The following CNTN5 variants were observed in gnomAD, a reference collection of about 807,000 sequenced individuals.
The protein encoded by CNTN5 is contactin-5.
CNTN5 carries 77 observed loss-of-function variants against 129.1 expected under a neutral mutation model. The ratio of observed to expected loss-of-function variants is 0.60; its 90% confidence interval spans 0.50 to 0.72. CNTN5 has a LOEUF of 0.72. Ranked by LOEUF, CNTN5 falls within the 30% of genes least tolerant of loss-of-function variation. CNTN5 has a pLI of 0.00. For synonymous variants in CNTN5, 509 were observed against 465.6 expected, an observed-to-expected ratio of 1.09 and a Z score of -1.20; for missense variants, 1,478 against 1,328.8, an observed-to-expected ratio of 1.11 and a Z score of -1.75.
At chr11:100,103,648 A>G (rs1439762284) in intron 13 of CNTN5, among the ~76,000 whole-genome samples, 1 of 152,180 alleles carries the variant, frequency 6.6e-6, no homozygotes, top group African/African-American at 2.4e-5. Flanking sequence ...GAGTAGCCTT[A>G]ATCCTGCAAA....
At chr11:100,276,854 A>AT (rs560279911) in intron 18 of CNTN5, among the ~76,000 whole-genome samples, 2,927 of 147,102 alleles carry the variant, frequency 0.02, 95 homozygotes, top group African/African-American at 0.068. Context: ...TGTACAATTA[A>AT]TTTTTTTTTT....
chr11:99,470,814 A>ATT (rs141021367), intron 2 of CNTN5, among the ~76,000 whole-genome samples: 3,480 of 149,790 alleles, frequency 0.023, 131 homozygotes, highest in East Asian at 0.12. Flanking sequence ...TCACAAATTT[A>ATT]TTTTTTTTTA....
At chr11:99,905,978 G>T (rs1475631353) in intron 6 of CNTN5, among the ~76,000 whole-genome samples, 2 of 152,108 alleles carry the variant, frequency 1.3e-5, no homozygotes, top group African/African-American at 4.8e-5. Flanking sequence ...TGTGATTTTT[G>T]CACATTGATT....
intron 13 of CNTN5, among the ~76,000 whole-genome samples, chr11:100,114,458 G>T (rs1332172262): frequency 6.6e-6 from 1 of 152,040 alleles, no homozygotes; most frequent in African/African-American, 2.4e-5. Flanking sequence ...ATAACTTGAA[G>T]TTTTAAAAAT....
In CNTN5 at chr11:99,711,735, G is replaced by C. The variant is rs551420229; in HGVS notation, c.56-107809G>C. 9.9e-5 allele frequency among the ~76,000 whole-genome samples: 15 copies of C among 151,966 alleles called. 1 individual carries two copies. The South Asian group carries it at 2.5e-3, about 25-fold the overall frequency. On this transcript the variant is annotated intron_variant, in intron 3 of 24. Transcript: ENST00000524871. ...TTATGAGTGAGACCATGCGGTGTTT[G>C]GTTTACTGTTCTTGTGTTAGTTTGC...
At chr11:99,757,434 G>T (rs1944440399) in intron 3 of CNTN5, among the ~76,000 whole-genome samples, 1 of 151,636 alleles carries the variant, frequency 6.6e-6, no homozygotes, top group Non-Finnish European at 1.5e-5. Context: ...TACTATAAGT[G>T]CCCCACTCTA....
intron 8 of CNTN5, among the ~76,000 whole-genome samples, chr11:99,980,908 A>G (rs1293166538): frequency 1.3e-5 from 2 of 151,820 alleles, no homozygotes; most frequent in Non-Finnish European, 2.9e-5. Context: ...AAGAGCTAAA[A>G]TACCTTTAAT....
intron 1 of CNTN5, among the ~76,000 whole-genome samples, chr11:99,087,013 C>G (rs889818590): frequency 6.6e-6 from 1 of 152,104 alleles, no homozygotes; most frequent in East Asian, 1.9e-4. Context: ...ACCATTATCA[C>G]CCAGTAAGTG....
intron 1 of CNTN5, among the ~76,000 whole-genome samples, chr11:99,287,767 A>T (rs750747736): frequency 6.6e-6 from 1 of 152,038 alleles, no homozygotes; most frequent in Non-Finnish European, 1.5e-5. Flanking sequence ...TTTTTCAAAA[A>T]AAAGTATTCT....
At chr11:99,762,206 T>A (rs879711119) in intron 3 of CNTN5, among the ~76,000 whole-genome samples, 1 of 125,084 alleles carries the variant, frequency 8.0e-6, no homozygotes, top group Non-Finnish European at 1.7e-5. Context: ...TTTCTCCCAT[T>A]TTGTAGGTTG....
chr11:99,469,499 A>G (rs1283627664), intron 2 of CNTN5, among the ~76,000 whole-genome samples: 2 of 151,924 alleles, frequency 1.3e-5, no homozygotes, highest in African/African-American at 2.4e-5. Flanking sequence ...CTAAATTCCC[A>G]CTTAACTTAC....
intron 3 of CNTN5, among the ~76,000 whole-genome samples, chr11:99,659,434 TTTAA>T (rs1478396220): frequency 6.6e-6 from 1 of 152,182 alleles, no homozygotes; most frequent in Non-Finnish European, 1.5e-5. Flanking sequence ...TAAACCGTGT[TTTAA>T]TTAATATAAA....
chr11:99,787,695 A>G (rs1313831829), intron 3 of CNTN5, among the ~76,000 whole-genome samples: 1 of 152,068 alleles, frequency 6.6e-6, no homozygotes, highest in African/African-American at 2.4e-5. Context: ...ATGAGTCAAG[A>G]TGACATAAAG....
At chr11:99,483,602 T>A (rs1162060719) in intron 2 of CNTN5, among the ~76,000 whole-genome samples, 1 of 152,124 alleles carries the variant, frequency 6.6e-6, no homozygotes, top group Non-Finnish European at 1.5e-5. Flanking sequence ...TGTGACCAAT[T>A]ATTATTTTAG....
chr11:99,857,958 G>A (rs2135752588), intron 6 of CNTN5, among the ~76,000 whole-genome samples: 1 of 152,098 alleles, frequency 6.6e-6, no homozygotes, highest in East Asian at 1.9e-4. Flanking sequence ...TTTTGAAAAT[G>A]TATGTGCAAA....
chr11:99,509,262 A>G (rs888197748), intron 2 of CNTN5, among the ~76,000 whole-genome samples: 3 of 152,162 alleles, frequency 2.0e-5, no homozygotes, highest in African/African-American at 4.8e-5. Context: ...CAGAGTTGTC[A>G]TTCTTGTTTT....
At chr11:99,552,573 A>C (rs1948528537) in intron 2 of CNTN5, among the ~76,000 whole-genome samples, 1 of 152,178 alleles carries the variant, frequency 6.6e-6, no homozygotes, top group Non-Finnish European at 1.5e-5. Context: ...AACAGTCTGC[A>C]ATGATTTAAA....
chr11:99,106,223 A>G (rs987578589), intron 1 of CNTN5, among the ~76,000 whole-genome samples: 3 of 152,086 alleles, frequency 2.0e-5, no homozygotes, highest in East Asian at 1.9e-4. Context: ...AAAAGTAAAT[A>G]CCCATACAAC....
intron 13 of CNTN5, among the ~76,000 whole-genome samples, chr11:100,181,489 C>A (rs7933176): frequency 6.6e-6 from 1 of 151,562 alleles, no homozygotes; most frequent in African/African-American, 2.4e-5. Flanking sequence ...TTAGAAATGT[C>A]CAATATTTTT....
Sources: allele counts gnomAD v4.1 joint callset (sites outside exome capture counted in the v4.1 genomes callset), GRCh38; gene constraint gnomAD v4.1.1; transcripts MANE v1.5; gene names NCBI Gene and HGNC (gene_info 2026-07-23, HGNC 2026-07-21).